The following PIEZO1 variants were observed in gnomAD, a reference collection of about 807,000 sequenced individuals.
PIEZO1 encodes the protein piezo-type mechanosensitive ion channel component 1.
A neutral mutation model predicts 297.2 loss-of-function variants in PIEZO1; 296 were observed. That is an observed-to-expected ratio of 1.00 (90% CI 0.91 to 1.10). PIEZO1 has a LOEUF of 1.10. PIEZO1 is among the 50% of genes least tolerant of loss of function. The probability of loss-of-function intolerance (pLI) is 0.00; values close to 1 mark genes in which losing one functional copy is unlikely to be tolerated. For missense variants in PIEZO1, 5,018 were observed against 3,455.5 expected (o/e 1.45, Z -11.34); for synonymous variants, 2,427 against 1,507.5 (o/e 1.61, Z -14.13).
intron 39 of PIEZO1, 90 bp from the exon 40 acceptor site, chr16:88,720,838 C>A: frequency 2.2e-6 from 3 of 1,353,922 alleles, no homozygotes; most frequent in Non-Finnish European, 2.9e-6. Context: ...GGCATTCTCC[C>A]TGTTTGACAG....
At chr16:88,746,823 A>G (rs1287120923) in intron 2 of PIEZO1, among the ~76,000 whole-genome samples, 2 of 152,168 alleles carry the variant, frequency 1.3e-5, no homozygotes, top group Non-Finnish European at 2.9e-5. Flanking sequence ...AGTGTTTCCA[A>G]TTGCGCCCTG....
intron 16 of PIEZO1, 151 bp from the exon 17 acceptor site, chr16:88,734,205 C>G: frequency 2.6e-6 from 3 of 1,173,870 alleles, no homozygotes; most frequent in Non-Finnish European, 3.5e-6. Context: ...TCCCTGTGAC[C>G]TCCACGCTAC....
At chr16:88,723,032 G>A (rs1191761909) in intron 33 of PIEZO1, 23 bp from the exon 34 acceptor site, 9 of 1,542,982 alleles carry the variant, frequency 5.8e-6, no homozygotes, top group African/African-American at 2.7e-5. Context: ...GGGAGGGGGC[G>A]CTGGAGGGGC....
rs111286945 is a variant in PIEZO1 at position 88,738,533 on chromosome 16, G to C, written c.634+35C>G. ...CAGGGAACTCCCAAGACCCCTCCCAGTGTGACTGCCAGTGCCCCCTGCCTC... is the reference window on the plus strand; with the variant it reads ...CAGGGAACTCCCAAGACCCCTCCCACTGTGACTGCCAGTGCCCCCTGCCTC... On this transcript the variant is annotated intron_variant, in intron 6 of 50. Coordinates refer to ENST00000301015, the MANE Select transcript of PIEZO1 (RefSeq NM_001142864.4). 6.3e-5 allele frequency: 96 copies of C among 1,530,916 alleles called. No individual in the cohort carries two copies. The African/African-American group carries it at 9.9e-4, about 16-fold the overall frequency. 94.8% of individuals were successfully genotyped at this position (1,530,916 alleles called of 1,614,324 possible).
At position 88,731,924 on chromosome 16, in the gene PIEZO1, A is replaced by AGTCTGGG. The variant is rs1904851011; in HGVS notation, c.2992-15_2992-14insCCCAGAC. The AGTCTGGG allele has an allele frequency of 3.9e-6, 2 of 510,940 alleles. No individual in the cohort carries two copies. The highest frequency in any genetic ancestry group is 3.8e-5 in the African/African-American group (1 of 26,314). The allele number at this position is 510,940 out of a possible 1,614,324, so 31.7% of individuals were successfully genotyped here. A position where few individuals can be genotyped will look rare whatever the true frequency, so the allele number is the denominator to read the frequency against. On this transcript the variant is annotated splice_polypyrimidine_tract_variant and intron_variant, in intron 21 of 50. Coordinates refer to ENST00000301015, the MANE Select transcript of PIEZO1 (RefSeq NM_001142864.4). ...CAGGAAGCAGATCTGGGGAGGGGAGAGGGCGGGGTGTGGGGATGCACTGAG... is the reference window on the plus strand; with the variant it reads ...CAGGAAGCAGATCTGGGGAGGGGAGAGTCTGGGGGGCGGGGTGTGGGGATGCACTGAG...
At position 88,741,514 on chromosome 16, in the gene PIEZO1, T is replaced by C; in HGVS notation, c.429A>G (p.Ala143=). 9 of 1,535,668 alleles carry C rather than the reference T, an allele frequency of 5.9e-6. No homozygotes were observed. Among genetic ancestry groups the C allele is most frequent in the Non-Finnish European group, 7.8e-6 (9 of 1,146,762 alleles). ...GATGTGGGCTCTGCCGGGTGTTCCT[T>C]GCAAGGCGCCCGCAGATGCCGAGGC... ...SVCLGICGRL[A]RNTRQSPHPR... The change falls in exon 5 of 51, where the codon GCA becomes GCG. Residue 143 remains alanine (A), a synonymous_variant. Transcript: ENST00000301015.
chr16:88,723,811 C>G, intron 31 of PIEZO1, 60 bp downstream of exon 31: 1 of 921,788 alleles, frequency 1.1e-6, no homozygotes, highest in Non-Finnish European at 1.7e-6. Flanking sequence ...CTATGCTGCC[C>G]TGGTCCAGGA....
Position 88,741,552 on chromosome 16 carries a change from C to A in PIEZO1, c.391G>T (p.Val131Phe), listed in dbSNP as rs1905659734. ...CAGATGCCGAGGCAGACAGAGGAGA[C>A]CACCAAGATGCCCAGGTCAGGGGCC... Reference protein sequence around the residue: ...LVAPDLGILVVSSVCLGICGR... With the variant: ...LVAPDLGILVFSSVCLGICGR... The change falls in exon 5 of 51, where the codon GTC (valine) becomes TTC (phenylalanine). Residue 131 changes from valine (V) to phenylalanine (F), a missense_variant. Physicochemically the swap from Val to Phe is conservative, Grantham distance 50 (BLOSUM62 -1). Transcript: ENST00000301015. 6.5e-7 allele frequency: 1 copy of A among 1,535,704 alleles called. No individual in the cohort carries two copies. The highest frequency in any genetic ancestry group is 2.4e-5 in the East Asian group (1 of 40,916).
intron 4 of PIEZO1, 50 bp from the exon 5 acceptor site, chr16:88,741,666 G>C (rs1361031633): frequency 2.0e-6 from 3 of 1,513,062 alleles, no homozygotes; most frequent in African/African-American, 2.8e-5. Flanking sequence ...ACAGGTGTGG[G>C]TGTGAGTGTG....
chr16:88,716,369 G>C lies in PIEZO1; in HGVS notation c.7041C>G (p.Asp2347Glu), dbSNP rs34352064. The C allele has an allele frequency of 2.6e-6, 4 of 1,540,766 alleles. No homozygotes were observed. The highest frequency in any genetic ancestry group is 3.5e-6 in the Non-Finnish European group (4 of 1,141,338). Residue 2347 changes from aspartate to glutamate, a missense_variant, in exon 48 of 51, where the codon GAC becomes GAG. By Grantham distance (45) the Asp-to-Glu change is conservative (BLOSUM62 2). Coordinates refer to ENST00000301015, the MANE Select transcript of PIEZO1 (RefSeq NM_001142864.4). ...CCGGGCCCTTCACTCACACAGACTG[G>C]TCCGAGGTGCCCTCGAGCAGGCTGG... ...QLASLLEGTS[D>E]QSVVIPNLFP...
rs1461785699 is a variant in PIEZO1 at position 88,716,539 on chromosome 16, G to A, written c.6926+20C>T. 3 of 1,537,966 alleles carry A rather than the reference G, an allele frequency of 2.0e-6. No homozygotes were observed. Among genetic ancestry groups the A allele is most frequent in the African/African-American group, 2.7e-5 (2 of 72,864 alleles). ...TAGTGGGTCCACCCACCCAGGCACT[G>A]CCCCAAGTCCAGGACGAACCTCTGG... On this transcript the variant is annotated intron_variant, in intron 47 of 50. Coordinates refer to ENST00000301015, the MANE Select transcript of PIEZO1 (RefSeq NM_001142864.4).
At chr16:88,779,909 G>T (rs779085453) in intron 1 of PIEZO1, among the ~76,000 whole-genome samples, 1 of 152,256 alleles carries the variant, frequency 6.6e-6, no homozygotes, top group Non-Finnish European at 1.5e-5. Context: ...CTTCCGGGGG[G>T]GACGGCTGTC....
chr16:88,775,150 G>A (rs577198030), intron 1 of PIEZO1, among the ~76,000 whole-genome samples: 8 of 152,332 alleles, frequency 5.3e-5, no homozygotes, highest in South Asian at 4.1e-4. Context: ...CAGAGGGGCC[G>A]TCCCTGACCC....
At position 88,737,641 on chromosome 16, in the gene PIEZO1, C is replaced by A; in HGVS notation, c.1113G>T (p.Val371=). 6.5e-7 allele frequency: 1 copy of A among 1,534,914 alleles called. No homozygotes were observed. Among genetic ancestry groups the A allele is most frequent in the Non-Finnish European group, 8.7e-7 (1 of 1,146,436 alleles). ...WPQERESDQH[V]VPTAPDTEAD... ...CCTCGGTGTCGGGTGCTGTGGGCACCACGTGCTGTGGGCAAGCAGCGCTGA... is the reference window on the plus strand; with the variant it reads ...CCTCGGTGTCGGGTGCTGTGGGCACAACGTGCTGTGGGCAAGCAGCGCTGA... The change falls in exon 10 of 51, where the codon GTG becomes GTT. Residue 371 remains valine, a synonymous_variant. Transcript: ENST00000301015.
At position 88,727,905 on chromosome 16, in the gene PIEZO1, G is replaced by A. The variant is rs72811495; in HGVS notation, c.3197-244C>T. The A allele has an allele frequency of 0.11, 38,538 of 338,810 alleles. 2,353 individuals carry two copies. The highest frequency in any genetic ancestry group is 0.16 in the East Asian group (3,655 of 22,188). 21.0% of individuals were successfully genotyped at this position (338,810 alleles called of 1,614,324 possible). On this transcript the variant is annotated intron_variant, in intron 22 of 50. Coordinates refer to ENST00000301015, the MANE Select transcript of PIEZO1 (RefSeq NM_001142864.4). Reference sequence around the variant, plus strand: ...TGAGCAGGAGGCCAGAGAGCACGGGGGTGGGGGCTGCTGGGCCTGAGTTGT... The same window carrying A: ...TGAGCAGGAGGCCAGAGAGCACGGGAGTGGGGGCTGCTGGGCCTGAGTTGT...
intron 22 of PIEZO1, chr16:88,731,191 ACAT>A (rs1299059052): frequency 6.3e-6 from 1 of 158,650 alleles, no homozygotes; most frequent in East Asian, 1.9e-4. Flanking sequence ...ACTAGAGCAA[ACAT>A]CAGACCAGAT....
Position 88,735,319 on chromosome 16 carries a change from C to T in PIEZO1, c.1558-73G>A, listed in dbSNP as rs900039506. On this transcript the variant is annotated intron_variant, in intron 12 of 50. Coordinates refer to ENST00000301015, the MANE Select transcript of PIEZO1 (RefSeq NM_001142864.4). Reference sequence around the variant, plus strand: ...CTCCCACAGCCGGGGGACCCAGCACCCTCCTATAGCAGGGGGCAAGAGCTC... The same window carrying T: ...CTCCCACAGCCGGGGGACCCAGCACTCTCCTATAGCAGGGGGCAAGAGCTC... The T allele has an allele frequency of 6.6e-6, 7 of 1,064,282 alleles. No individual in the cohort carries two copies. The African/African-American group carries it at 1.1e-4, about 17-fold the overall frequency. The allele number at this position is 1,064,282 out of a possible 1,614,324, so 65.9% of individuals were successfully genotyped here.
In PIEZO1 at chr16:88,719,565, C is replaced by A; in HGVS notation, c.6471+9G>T. ...CCCTTGTCCCGGCCCCCGCCCTGGG[C>A]CCAGGCACCTTCTCTGTCTCTCGGC... On this transcript the variant is annotated intron_variant, in intron 44 of 50. Coordinates refer to ENST00000301015, the MANE Select transcript of PIEZO1 (RefSeq NM_001142864.4). The A allele has an allele frequency of 6.5e-7, 1 of 1,550,192 alleles. No homozygotes were observed. Among genetic ancestry groups the A allele is most frequent in the African/African-American group, 1.4e-5 (1 of 73,180 alleles).
chr16:88,750,715 G>A (rs566209735), intron 1 of PIEZO1, among the ~76,000 whole-genome samples: 6 of 152,232 alleles, frequency 3.9e-5, no homozygotes, highest in Non-Finnish European at 8.8e-5. Flanking sequence ...GATGAGGGGT[G>A]GGGCCTGATG....
Sources: allele counts gnomAD v4.1 joint callset (sites outside exome capture counted in the v4.1 genomes callset), GRCh38; gene constraint gnomAD v4.1.1; transcripts MANE v1.5; gene names NCBI Gene and HGNC (gene_info 2026-07-23, HGNC 2026-07-21).